ZNF429: variants seen among roughly 807,000 people sequenced by gnomAD.
ZNF429 encodes the protein zinc finger protein 429.
ZNF429 carries 53 observed loss-of-function variants against 56.8 expected under a neutral mutation model. The ratio of observed to expected loss-of-function variants is 0.93; its 90% CI spans 0.75 to 1.17. The LOEUF is 1.17. Among genes scored for constraint, ZNF429 ranks in the 50% most tolerant of loss-of-function variants. The pLI is 0.00. For missense variants in ZNF429, 849 were observed against 788.4 expected, an observed-to-expected ratio of 1.08 and a Z score of -0.92; for synonymous variants, 278 against 264.7, an observed-to-expected ratio of 1.05 and a Z score of -0.49.
At chr19:21,534,457 C>T in intron 3 of ZNF429, among the ~76,000 whole-genome samples, 2 of 104,928 alleles carry the variant, frequency 1.9e-5, no homozygotes, top group Admixed American at 9.3e-5. Flanking sequence ...CTCAACGCAG[C>T]CTCAACCTCC....
intron 1 of ZNF429, among the ~76,000 whole-genome samples, chr19:21,528,134 A>G (rs893057978): frequency 6.6e-6 from 1 of 152,196 alleles, no homozygotes; most frequent in African/African-American, 2.4e-5. Context: ...TTAATCTGCA[A>G]TATTAAAAAT....
rs757072140 is a variant in ZNF429, at chr19:21,537,780, A to G, written c.1727A>G (p.His576Arg). The G allele has an allele frequency of 1.2e-6, 2 of 1,610,276 alleles. No individual in the cohort carries two copies. Among genetic ancestry groups the G allele is most frequent in the Non-Finnish European group, 8.5e-7 (1 of 1,179,226 alleles). Residue 576 changes from histidine to arginine, a missense_variant, in exon 4 of 4, where the codon CAC becomes CGC. By Grantham distance (29) the His-to-Arg change is conservative. Transcript: ENST00000358491. ...KCKQCDKAFT[H>R]SSNLSSHKKI... ...AAACAATGTGACAAAGCTTTTACCC[A>G]CTCCTCAAACCTTAGTAGTCATAAG...
At chr19:21,527,161 C>T (rs1049254887) in intron 1 of ZNF429, among the ~76,000 whole-genome samples, 3 of 152,114 alleles carry the variant, frequency 2.0e-5, no homozygotes, top group African/African-American at 7.2e-5. Context: ...ATGGTGAGCC[C>T]AGGGGGAGTT....
intron 1 of ZNF429, among the ~76,000 whole-genome samples, chr19:21,507,321 A>G (rs964205834): frequency 6.6e-6 from 1 of 152,106 alleles, no homozygotes; most frequent in Non-Finnish European, 1.5e-5. Context: ...CCTAATTCAC[A>G]CTATTAACTA....
Position 21,539,994 on chromosome 19 carries a change from T to C in ZNF429, c.*1916T>C, listed in dbSNP as rs2033864282. 1.3e-5 allele frequency among the ~76,000 whole-genome samples: 2 copies of C among 152,150 alleles called. No homozygotes were observed. The highest frequency in any genetic ancestry group is 4.8e-5 in the African/African-American group (2 of 41,428). On this transcript the variant is annotated 3_prime_UTR_variant, in exon 4 of 4. Transcript: ENST00000358491. ...TTTGTGGTTAACTTATTGAGTGATG[T>C]ATGAGGTCGATGTTCAGAGTAATAT...
intron 1 of ZNF429, among the ~76,000 whole-genome samples, chr19:21,515,403 C>T (rs979614486): frequency 6.6e-6 from 1 of 152,012 alleles, no homozygotes; most frequent in Non-Finnish European, 1.5e-5. Context: ...AGAATGGCAT[C>T]TATTCATGTT....
chr19:21,540,235 G>A lies in ZNF429; in HGVS notation c.*2157G>A, dbSNP rs1469335000. 1.3e-5 allele frequency among the ~76,000 whole-genome samples: 2 copies of A among 152,022 alleles called. No homozygotes were observed. The highest frequency in any genetic ancestry group is 1.9e-4 in the East Asian group (1 of 5,196). Reference sequence around the variant, plus strand: ...TGCTATCAACTTTAACCTATCCCACGTTACTCAAGGGTGTAGCTAAATGAA... The same window carrying A: ...TGCTATCAACTTTAACCTATCCCACATTACTCAAGGGTGTAGCTAAATGAA... On this transcript the variant is annotated 3_prime_UTR_variant, in exon 4 of 4. Transcript: ENST00000358491.
At chr19:21,528,281 G>A (rs2033238716) in intron 1 of ZNF429, among the ~76,000 whole-genome samples, 1 of 152,122 alleles carries the variant, frequency 6.6e-6, no homozygotes. Flanking sequence ...ATGCAGAACA[G>A]GATTTTCAAA....
chr19:21,516,902 C>G (rs1232251747), intron 1 of ZNF429, among the ~76,000 whole-genome samples: 1 of 151,850 alleles, frequency 6.6e-6, no homozygotes, highest in Non-Finnish European at 1.5e-5. Flanking sequence ...GGTTAGTTTC[C>G]TTTCCTCTCT....
Position 21,530,627 on chromosome 19 carries a change from GA to G in ZNF429, c.170del (p.Glu57GlyfsTer9). The stretch of plus-strand genomic sequence containing the variant: ...TAAGCCAGACCTAATCACTTGTCTA[GA>G]GAAAGAAAAAGAACCCTGCAAGATG... ...VSKPDLITCL[E>X]KEKEPCKMKR... is the part of the protein sequence containing the mutation. On this transcript the variant is annotated frameshift_variant, in exon 3 of 4. Transcript: ENST00000358491. LOFTEE classifies it high-confidence loss of function. The G allele has an allele frequency of 6.2e-7, 1 of 1,611,856 alleles. No homozygotes were observed. The highest frequency in any genetic ancestry group is 8.5e-7 in the Non-Finnish European group (1 of 1,179,062).
intron 1 of ZNF429, among the ~76,000 whole-genome samples, chr19:21,517,171 C>T (rs1391334114): frequency 2.6e-5 from 4 of 152,258 alleles, no homozygotes; most frequent in Non-Finnish European, 4.4e-5. Context: ...TTATTGAAAG[C>T]TTTATCTACG....
intron 1 of ZNF429, among the ~76,000 whole-genome samples, chr19:21,510,379 T>C (rs931271763): frequency 3.3e-5 from 5 of 152,118 alleles, no homozygotes; most frequent in Non-Finnish European, 7.3e-5. Context: ...AGGTCTGATA[T>C]GGAAGTACAG....
chr19:21,530,720 A>T, intron 3 of ZNF429, 36 bp downstream of exon 3: 1 of 1,473,852 alleles, frequency 6.8e-7, no homozygotes, highest in Non-Finnish European at 9.4e-7. Context: ...AACACAGATG[A>T]GAGGTCCCAA....
chr19:21,519,886 C>T (rs1165413176), intron 1 of ZNF429, among the ~76,000 whole-genome samples: 1 of 141,290 alleles, frequency 7.1e-6, no homozygotes, highest in African/African-American at 2.7e-5. Flanking sequence ...TTTTTTGAGA[C>T]AGTTTCACTT....
chr19:21,506,066 T>C (rs1325947543), intron 1 of ZNF429: 6 of 225,302 alleles, frequency 2.7e-5, no homozygotes, highest in Non-Finnish European at 5.5e-5. Context: ...GCAAGAACCA[T>C]GGGAGGGGCG....
chr19:21,520,284 T>C (rs903726882), intron 1 of ZNF429, among the ~76,000 whole-genome samples: 5 of 152,214 alleles, frequency 3.3e-5, no homozygotes, highest in Admixed American at 3.3e-4. Flanking sequence ...TCTCCTAAAA[T>C]TCAGATGTCC....
At chr19:21,524,981 C>A (rs1013848492) in intron 1 of ZNF429, among the ~76,000 whole-genome samples, 13 of 151,930 alleles carry the variant, frequency 8.6e-5, no homozygotes, top group Non-Finnish European at 1.8e-4. Flanking sequence ...TTAATATGAC[C>A]ATTAGAAAAA....
At chr19:21,533,004 T>C in intron 3 of ZNF429, among the ~76,000 whole-genome samples, 1 of 151,596 alleles carries the variant, frequency 6.6e-6, no homozygotes, top group East Asian at 1.9e-4. Context: ...CCAAATTTTT[T>C]TTTTTTTCAT....
Position 21,511,183 on chromosome 19 carries a change from G to A in ZNF429, c.3+5409G>A, listed in dbSNP as rs543124722. On this transcript the variant is annotated intron_variant, in intron 1 of 3. Coordinates refer to ENST00000358491, the MANE Select transcript of ZNF429 (RefSeq NM_001001415.4). The stretch of plus-strand genomic sequence containing the variant: ...CAGGCAGAGGAGTCCCCCACCTCCC[G>A]GATGGGGCGGCTGGCCGGGCGGGGG... Among the ~76,000 whole-genome samples the A allele has an allele frequency of 2.5e-4, 37 of 148,782 alleles. 1 individual carries two copies. The South Asian group carries it at 5.2e-3, about 21-fold the overall frequency.
Sources: gnomAD v4.1 joint callset for allele counts (sites outside exome capture counted in the v4.1 genomes callset) on GRCh38, gnomAD v4.1.1 for gene constraint, MANE v1.5 for transcripts, NCBI Gene and HGNC (gene_info 2026-07-23, HGNC 2026-07-21) for gene names.